EXOC6B: variants seen among roughly 807,000 people sequenced by gnomAD.
The protein encoded by EXOC6B is SEC15 homolog B.
In EXOC6B, 54 loss-of-function variants were observed where a neutral mutation model predicts 113.5. That is an observed-to-expected ratio of 0.48 (90% CI 0.38 to 0.60). EXOC6B has a LOEUF of 0.60. Ranked by LOEUF, EXOC6B falls within the 20% of genes least tolerant of loss-of-function variation. The pLI, the probability that EXOC6B is intolerant of heterozygous loss-of-function variation, is 0.00. For synonymous variants in EXOC6B, 357 were observed against 339.0 expected (o/e 1.05, Z -0.58); for missense variants, 797 against 977.5 (o/e 0.82, Z 2.46).
chr2:72,274,271 AG>A (rs1237656831), intron 20 of EXOC6B, among the ~76,000 whole-genome samples: 1 of 152,170 alleles, frequency 6.6e-6, no homozygotes, highest in African/African-American at 2.4e-5. Flanking sequence ...AAATCTAAAC[AG>A]GATCCTGAAA....
intron 19 of EXOC6B, among the ~76,000 whole-genome samples, chr2:72,375,407 G>A (rs1424490042): frequency 1.3e-5 from 2 of 152,046 alleles, no homozygotes; most frequent in Non-Finnish European, 2.9e-5. Context: ...CATATACTGG[G>A]TCATAAAACA....
intron 17 of EXOC6B, among the ~76,000 whole-genome samples, chr2:72,474,736 A>G (rs1698630415): frequency 6.6e-6 from 1 of 151,904 alleles, no homozygotes; most frequent in Non-Finnish European, 1.5e-5. Flanking sequence ...CAATCATTTA[A>G]CTTCTTTTTC....
At chr2:72,592,964 C>G (rs1706067549) in intron 6 of EXOC6B, among the ~76,000 whole-genome samples, 1 of 152,058 alleles carries the variant, frequency 6.6e-6, no homozygotes, top group Non-Finnish European at 1.5e-5. Flanking sequence ...CAGCCCCACC[C>G]CTTGACATCA....
intron 1 of EXOC6B, among the ~76,000 whole-genome samples, chr2:72,775,391 A>G (rs1683638797): frequency 1.3e-5 from 2 of 152,206 alleles, no homozygotes; most frequent in African/African-American, 2.4e-5. Flanking sequence ...CTTATGAATA[A>G]CAAAACATAA....
chr2:72,759,877 G>A (rs1682641921), intron 1 of EXOC6B, among the ~76,000 whole-genome samples: 1 of 152,176 alleles, frequency 6.6e-6, no homozygotes. Flanking sequence ...CCAACTTGGA[G>A]AGAATTTGCC....
intron 20 of EXOC6B, among the ~76,000 whole-genome samples, chr2:72,246,507 A>ATT (rs11386307): frequency 0.035 from 4,743 of 137,014 alleles, 311 homozygotes; most frequent in African/African-American, 0.11. Context: ...TAACTAATTG[A>ATT]TTTTTTTTTT....
Position 72,825,848 on chromosome 2 carries a change from G to A in EXOC6B, c.63C>T (p.Ile21=). 6.2e-7 allele frequency: 1 copy of A among 1,613,576 alleles called. No individual in the cohort carries two copies. Among genetic ancestry groups the A allele is most frequent in the South Asian group, 1.1e-5 (1 of 91,082 alleles). ...TGTCAGTGCTCTCGATCTCTCGCAGGATCCGCTCGTGCTCTGCCGCTGTCT... is the reference window on the plus strand; with the variant it reads ...TGTCAGTGCTCTCGATCTCTCGCAGAATCCGCTCGTGCTCTGCCGCTGTCT... ...SLETAAEHER[I]LREIESTDTA... Residue 21 remains isoleucine (I), a synonymous_variant, in exon 1 of 22, where the codon ATC becomes ATT. Coordinates refer to ENST00000272427, the MANE Select transcript of EXOC6B (RefSeq NM_015189.3). The surrounding 1 kb of genome is among the most constrained non-coding windows in gnomAD (Gnocchi z 4.4).
At position 72,438,866 on chromosome 2, in the gene EXOC6B, G is replaced by A. The variant is rs1489226628; in HGVS notation, c.1980+26294C>T. 3.3e-5 allele frequency among the ~76,000 whole-genome samples: 5 copies of A among 152,060 alleles called. No homozygotes were observed. In the East Asian group the frequency reaches 9.6e-4, roughly 29 times the overall value. On this transcript the variant is annotated intron_variant, in intron 18 of 21. Coordinates refer to ENST00000272427, the MANE Select transcript of EXOC6B (RefSeq NM_015189.3). Reference sequence around the variant, plus strand: ...ATGCAAATATCAGAGAAATTGGCTAGGCTAGAATTTTCTTTTAAAATATTT... The same window carrying A: ...ATGCAAATATCAGAGAAATTGGCTAAGCTAGAATTTTCTTTTAAAATATTT...
intron 6 of EXOC6B, among the ~76,000 whole-genome samples, chr2:72,706,233 G>C (rs1678865173): frequency 6.6e-6 from 1 of 152,090 alleles, no homozygotes; most frequent in South Asian, 2.1e-4. Context: ...TTCTGGAGGA[G>C]AATAATCACT....
At chr2:72,387,863 G>A (rs770267692) in intron 18 of EXOC6B, among the ~76,000 whole-genome samples, 6 of 151,742 alleles carry the variant, frequency 4.0e-5, no homozygotes, top group Non-Finnish European at 8.8e-5. Context: ...TATTGAGCTG[G>A]GTTTCAATTT....
chr2:72,684,367 C>T (rs1676935950), intron 6 of EXOC6B, among the ~76,000 whole-genome samples: 1 of 152,016 alleles, frequency 6.6e-6, no homozygotes, highest in Non-Finnish European at 1.5e-5. Flanking sequence ...ATAATGCTGG[C>T]AAGGAAGTAC....
At chr2:72,331,759 C>T (rs1037925716) in intron 20 of EXOC6B, among the ~76,000 whole-genome samples, 3 of 152,090 alleles carry the variant, frequency 2.0e-5, no homozygotes, top group African/African-American at 7.2e-5. Context: ...TGTACTTTAA[C>T]TCTGAAGTGC....
chr2:72,282,551 G>A (rs1239572251), intron 20 of EXOC6B, among the ~76,000 whole-genome samples: 1 of 151,184 alleles, frequency 6.6e-6, no homozygotes, highest in African/African-American at 2.4e-5. Flanking sequence ...GAAAGTATAA[G>A]AGTATATTTA....
In EXOC6B at chr2:72,443,666, A is replaced by G. The variant is rs141202957; in HGVS notation, c.1980+21494T>C. Among the ~76,000 whole-genome samples, 865 of 152,298 alleles carry G rather than the reference A, an allele frequency of 5.7e-3. 9 individuals are homozygous for G. The highest frequency in any genetic ancestry group is 0.02 in the African/African-American group (827 of 41,558). On this transcript the variant is annotated intron_variant, in intron 18 of 21. Coordinates refer to ENST00000272427, the MANE Select transcript of EXOC6B (RefSeq NM_015189.3). ...CCTCACAATCATGGCAGAAGGCGAAAGGCATGTCTTACATACCGGCAGACA... is the reference window on the plus strand; with the variant it reads ...CCTCACAATCATGGCAGAAGGCGAAGGGCATGTCTTACATACCGGCAGACA...
intron 6 of EXOC6B, among the ~76,000 whole-genome samples, chr2:72,620,528 A>AAATTTAAATTTTAAATTT (rs1671684302): frequency 6.8e-6 from 1 of 147,264 alleles, no homozygotes; most frequent in African/African-American, 2.7e-5. Context: ...ATTTAAATTT[A>AAATTTAAATTTTAAATTT]AAAGACCTCA....
intron 20 of EXOC6B, among the ~76,000 whole-genome samples, chr2:72,311,523 T>G (rs1264688298): frequency 6.6e-6 from 1 of 152,142 alleles, no homozygotes; most frequent in Non-Finnish European, 1.5e-5. Context: ...GAACCACTTT[T>G]TCTGCCTCTT....
At chr2:72,540,893 A>T (rs1702562713) in intron 8 of EXOC6B, among the ~76,000 whole-genome samples, 1 of 152,234 alleles carries the variant, frequency 6.6e-6, no homozygotes, top group Non-Finnish European at 1.5e-5. Context: ...TGTAAATCCT[A>T]GGTTTATGAC....
chr2:72,801,714 AG>A (rs1342175156), intron 1 of EXOC6B, among the ~76,000 whole-genome samples: 2 of 152,240 alleles, frequency 1.3e-5, no homozygotes, highest in African/African-American at 4.8e-5. Context: ...GGGGTACTGT[AG>A]AACTAAGGAC....
intron 18 of EXOC6B, among the ~76,000 whole-genome samples, chr2:72,443,976 C>T (rs547561017): frequency 6.6e-5 from 10 of 152,296 alleles, no homozygotes; most frequent in Non-Finnish European, 1.2e-4. Flanking sequence ...AAAGTCTTAA[C>T]TCATTTCAGC....
Sources: gnomAD v4.1 joint callset for allele counts (sites outside exome capture counted in the v4.1 genomes callset) on GRCh38, gnomAD v4.1.1 for gene constraint, Gnocchi (gnomAD v3.1) non-coding constraint, MANE v1.5 for transcripts, NCBI Gene and HGNC (gene_info 2026-07-23, HGNC 2026-07-21) for gene names.